ORC3: variants seen among roughly 807,000 people sequenced by gnomAD.
ORC3 encodes the protein homolog of latheo, Drosophila.
A neutral mutation model predicts 100.7 loss-of-function variants in ORC3; 78 were observed. The ratio of observed to expected loss-of-function variants is 0.77; its 90% CI spans 0.65 to 0.94. ORC3 has a LOEUF of 0.94. Ranked by LOEUF, ORC3 falls within the 40% of genes least tolerant of loss-of-function variation. The pLI is 0.00. For synonymous variants in ORC3, 295 were observed against 289.3 expected (o/e 1.02, Z -0.20); for missense variants, 789 against 823.9 (o/e 0.96, Z 0.52).
At chr6:87,617,463 G>A (rs1161100664) in intron 9 of ORC3, among the ~76,000 whole-genome samples, 1 of 152,090 alleles carries the variant, frequency 6.6e-6, no homozygotes, top group East Asian at 1.9e-4. Context: ...TGCCAGGCAC[G>A]GTGGCTCATG....
intron 9 of ORC3, among the ~76,000 whole-genome samples, chr6:87,617,744 C>A (rs1461383523): frequency 1.3e-5 from 2 of 152,142 alleles, no homozygotes; most frequent in Admixed American, 6.6e-5. Flanking sequence ...CTATAAAAAA[C>A]AAACAAAATT....
intron 2 of ORC3, among the ~76,000 whole-genome samples, chr6:87,599,715 C>T (rs1777749141): frequency 6.6e-6 from 1 of 151,488 alleles, no homozygotes; most frequent in Non-Finnish European, 1.5e-5. Flanking sequence ...GTGATGTACG[C>T]CTGTAATACC....
In ORC3 at chr6:87,658,012, T is replaced by C; in HGVS notation, c.1685T>C (p.Leu562Pro). 2 of 1,574,500 alleles carry C rather than the reference T, an allele frequency of 1.3e-6. No individual in the cohort carries two copies. The highest frequency in any genetic ancestry group is 1.7e-6 in the Non-Finnish European group (2 of 1,144,738). ...AATGTTGTGAACTTCATTGACTGTC[T>C]AGTGAGGTAAGTCTAAATTTAGCTC... ...RENVVNFIDC[L>P]VREYLLPPET... The change falls in exon 16 of 20, where the codon CTA becomes CCA. Residue 562 changes from leucine (L) to proline (P), a missense_variant. By Grantham distance (98) the Leu-to-Pro change is moderately conservative. This residue lies in a region of ORC3 where 366 missense variants were observed against 394.2 expected (regional missense o/e 0.93). Coordinates refer to ENST00000392844, the MANE Select transcript of ORC3 (RefSeq NM_012381.4).
At chr6:87,615,674 A>G (rs1469116223) in intron 8 of ORC3, among the ~76,000 whole-genome samples, 2 of 152,196 alleles carry the variant, frequency 1.3e-5, no homozygotes, top group Non-Finnish European at 2.9e-5. Flanking sequence ...CAGCCTGGGC[A>G]AAAGAGCAAG....
At chr6:87,612,764 C>T (rs536608749) in intron 8 of ORC3, among the ~76,000 whole-genome samples, 14 of 152,166 alleles carry the variant, frequency 9.2e-5, no homozygotes, top group African/African-American at 1.7e-4. Context: ...TGAGGTGTGC[C>T]GCCACGCCTG....
At chr6:87,665,127 A>G (rs1371038853) in intron 18 of ORC3, among the ~76,000 whole-genome samples, 1 of 152,190 alleles carries the variant, frequency 6.6e-6, no homozygotes, top group Non-Finnish European at 1.5e-5. Context: ...TAAGTATGTG[A>G]TCTAACCCAA....
intron 2 of ORC3, among the ~76,000 whole-genome samples, chr6:87,596,160 G>GT (rs71554737): frequency 0.083 from 11,618 of 140,240 alleles, 665 homozygotes; most frequent in African/African-American, 0.17. Context: ...GTTTGTTTTT[G>GT]TTTTTTTTTT....
chr6:87,666,176 A>G (rs1307287822), intron 19 of ORC3, among the ~76,000 whole-genome samples: 3 of 152,274 alleles, frequency 2.0e-5, no homozygotes, highest in South Asian at 2.1e-4. Context: ...CTATCGCCCA[A>G]GCTGGAGTGC....
rs761474629 is a variant in ORC3 at position 87,603,542 on chromosome 6, T to C, written c.322+14T>C. On this transcript the variant is annotated intron_variant, in intron 4 of 19. Transcript: ENST00000392844. ...CTCTTGTTCTTGGTATATATGCGTA[T>C]GTTTGTTCATGCATGCATCTCTGTG... The C allele has an allele frequency of 1.4e-6, 2 of 1,447,430 alleles. No homozygotes were observed. The highest frequency in any genetic ancestry group is 1.6e-5 in the South Asian group (1 of 62,932). The allele number at this position is 1,447,430 out of a possible 1,614,324, so 89.7% of individuals were successfully genotyped here.
intron 13 of ORC3, among the ~76,000 whole-genome samples, chr6:87,636,868 GA>G (rs1767870692): frequency 6.6e-6 from 1 of 152,218 alleles, no homozygotes; most frequent in Non-Finnish European, 1.5e-5. Flanking sequence ...AATGCAGGAA[GA>G]GCATCATTGG....
intron 9 of ORC3, 132 bp downstream of exon 9, chr6:87,616,559 T>G: frequency 2.0e-6 from 1 of 494,894 alleles, no homozygotes; most frequent in South Asian, 2.9e-5. Flanking sequence ...GTTATTTTAT[T>G]CTAGGTTCTA....
At chr6:87,653,598 T>C (rs1458472215) in intron 14 of ORC3, among the ~76,000 whole-genome samples, 3 of 152,186 alleles carry the variant, frequency 2.0e-5, no homozygotes, top group Non-Finnish European at 4.4e-5. Flanking sequence ...TAGAGGTTTT[T>C]TCTTAAGCAT....
downstream of ORC3, among the ~76,000 whole-genome samples, chr6:87,669,049 T>TGGAA (rs1770776596): frequency 6.6e-6 from 1 of 151,930 alleles, no homozygotes; most frequent in Non-Finnish European, 1.5e-5. Context: ...CCCAGCTACA[T>TGGAA]GGAAGGCTGA....
rs1776652702 is a variant in ORC3, at chr6:87,590,194, T to TAC, written c.24+3_24+4insCA. Reference sequence around the variant, plus strand: ...ATGGCTACGTCCTCGATGTCTAAGGTATGTGGTGGCCGATGCGCACTGTGG... The same window carrying TAC: ...ATGGCTACGTCCTCGATGTCTAAGGTACATGTGGTGGCCGATGCGCACTGTGG... On this transcript the variant is annotated splice_region_variant and intron_variant, in intron 1 of 19. Coordinates refer to ENST00000392844, the MANE Select transcript of ORC3 (RefSeq NM_012381.4). The TAC allele has an allele frequency of 6.2e-7, 1 of 1,613,798 alleles. No homozygotes were observed. Among genetic ancestry groups the TAC allele is most frequent in the Non-Finnish European group, 8.5e-7 (1 of 1,179,738 alleles).
chr6:87,616,684 A>G (rs9444526), intron 9 of ORC3, among the ~76,000 whole-genome samples: 91,132 of 152,016 alleles, frequency 0.6, 27,944 homozygotes, highest in African/African-American at 0.72. Context: ...AGGGGCAAGC[A>G]GACTTTTTTG....
intron 11 of ORC3, among the ~76,000 whole-genome samples, chr6:87,623,471 T>C (rs1779671663): frequency 6.6e-6 from 1 of 152,236 alleles, no homozygotes; most frequent in African/African-American, 2.4e-5. Flanking sequence ...GCCAAGTCCA[T>C]TTCCTGCTAG....
intron 4 of ORC3, among the ~76,000 whole-genome samples, chr6:87,603,827 A>G (rs1238021541): frequency 2.6e-5 from 4 of 152,246 alleles, no homozygotes; most frequent in Non-Finnish European, 4.4e-5. Context: ...TAGATACATT[A>G]CAAGAGTATA....
chr6:87,636,463 T>C lies in ORC3; in HGVS notation c.1359T>C (p.Tyr453=), dbSNP rs1366597251. 1.9e-6 allele frequency: 3 copies of C among 1,611,348 alleles called. No homozygotes were observed. The highest frequency in any genetic ancestry group is 1.3e-5 in the African/African-American group (1 of 74,870). ...LEKNIWDSEE[Y]ASVLQLLRML... Reference sequence around the variant, plus strand: ...AGAACATATGGGATTCAGAGGAGTATGCATCAGTCTTGCAGCTGCTGAGGT... The same window carrying C: ...AGAACATATGGGATTCAGAGGAGTACGCATCAGTCTTGCAGCTGCTGAGGT... The change falls in exon 13 of 20, where the codon TAT becomes TAC. Residue 453 remains tyrosine (Y), a synonymous_variant. Coordinates refer to ENST00000392844, the MANE Select transcript of ORC3 (RefSeq NM_012381.4).
At chr6:87,609,491 T>G in intron 7 of ORC3, 1 of 294,576 alleles carries the variant, frequency 3.4e-6, no homozygotes, top group Non-Finnish European at 6.3e-6. Flanking sequence ...TCACCAAGAT[T>G]GACTGTCTCT....
Sources: gnomAD v4.1 joint callset for allele counts (sites outside exome capture counted in the v4.1 genomes callset) on GRCh38, gnomAD v4.1.1 for gene constraint, gnomAD v4.1.1 regional missense constraint, MANE v1.5 for transcripts, NCBI Gene and HGNC (gene_info 2026-07-23, HGNC 2026-07-21) for gene names.